CD24: variants seen among roughly 807,000 people sequenced by gnomAD.
CD24 encodes CD24 molecule.
Under a neutral mutation model 3.6 loss-of-function variants are expected in CD24, and 2 were observed. The observed-to-expected ratio is 0.56, with a 90% CI of 0.23 to 1.77. CD24 has a LOEUF of 1.77. Among genes scored for constraint, CD24 ranks in the 40% most tolerant of loss-of-function variants. CD24 has a pLI of 0.18. For synonymous variants in CD24, 33 were observed against 44.9 expected, an observed-to-expected ratio of 0.74 and a Z score of 1.06; for missense variants, 62 against 93.6, an observed-to-expected ratio of 0.66 and a Z score of 1.39.
upstream of CD24, chr6:106,975,607 C>T (rs1421855108): frequency 2.0e-5 from 3 of 152,252 alleles, no homozygotes; most frequent in Admixed American, 2.0e-4. Context: ...GGCGCAGACC[C>T]GCTGCCTGAC....
At position 106,971,529 on chromosome 6, in the gene CD24, G is replaced by T; in HGVS notation, c.*132C>A. ...ATTTGGGATTCTCAACATTTTCTGT[G>T]TCAATAAAAGGTGTGGAATTAGTAG... On this transcript the variant is annotated 3_prime_UTR_variant, in exon 2 of 2. Coordinates refer to ENST00000606017, the MANE Select transcript of CD24 (RefSeq NM_001359084.1). 1.5e-6 allele frequency: 1 copy of T among 659,448 alleles called. No homozygotes were observed. 40.8% of individuals were successfully genotyped at this position (659,448 alleles called of 1,614,324 possible). A position where few individuals can be genotyped will look rare whatever the true frequency, so the allele number is the denominator to read the frequency against.
chr6:106,971,880 T>C (rs1468203500), intron 1 of CD24, 46 bp from the exon 2 acceptor site: 2 of 1,234,626 alleles, frequency 1.6e-6, no homozygotes, highest in African/African-American at 1.5e-5. Context: ...ACATCACAGC[T>C]ACCTCCATGT....
upstream of CD24, among the ~76,000 whole-genome samples, chr6:106,976,404 T>C: frequency 6.6e-6 from 1 of 152,228 alleles, no homozygotes; most frequent in Non-Finnish European, 1.5e-5. Context: ...GTTTGTTGAC[T>C]GAATAGTGAC....
chr6:106,973,437 AC>A (rs1413163271), intron 1 of CD24: 1 of 378,990 alleles, frequency 2.6e-6, no homozygotes, highest in East Asian at 3.8e-5. Context: ...AGCGCAGCGG[AC>A]TGGGAGGAAG....
intron 1 of CD24, 62 bp downstream of exon 1, chr6:106,974,516 C>A: frequency 1.0e-6 from 1 of 975,064 alleles, no homozygotes; most frequent in Non-Finnish European, 1.4e-6. Flanking sequence ...GGGACCGGGT[C>A]CATCTCCCCT....
chr6:106,973,971 CAGAG>C (rs1773038622), intron 1 of CD24: 2 of 398,132 alleles, frequency 5.0e-6, no homozygotes, highest in African/African-American at 4.1e-5. Context: ...GGTTGCCTCG[CAGAG>C]AGCGCAGCGT....
At chr6:106,973,653 G>C (rs1208665151) in intron 1 of CD24, 1 of 398,540 alleles carries the variant, frequency 2.5e-6, no homozygotes, top group African/African-American at 2.1e-5. Flanking sequence ...AACCCGAACT[G>C]ACCCAAACAA....
rs1222278107 is a variant in CD24, at chr6:106,971,430, A to G, written c.*231T>C. ...ATGTTGCCTCTCCTTCATCTTGTAC[A>G]TGAAACTCCAGCAGATTTAATATTG... On this transcript the variant is annotated 3_prime_UTR_variant, in exon 2 of 2. Coordinates refer to ENST00000606017, the MANE Select transcript of CD24 (RefSeq NM_001359084.1). 38 of 503,778 alleles carry G rather than the reference A, an allele frequency of 7.5e-5. 1 individual carries two copies. In the Admixed American group the frequency reaches 1.4e-3, roughly 18 times the overall value. The allele number at this position is 503,778 out of a possible 1,614,324, so 31.2% of individuals were successfully genotyped here.
chr6:106,974,841 G>C (rs1241337258), upstream of CD24: 8 of 361,540 alleles, frequency 2.2e-5, no homozygotes, highest in Non-Finnish European at 3.3e-5. Flanking sequence ...CCGCCTCCCC[G>C]CCTTCCCCGC....
At chr6:106,974,790 G>C (rs1216889176), upstream of CD24, 4 of 773,532 alleles carry the variant, frequency 5.2e-6, no homozygotes, top group African/African-American at 1.9e-5. Flanking sequence ...GCCGTGACGT[G>C]GCGCCGCCCG....
upstream of CD24, chr6:106,975,225 C>T (rs1582559355): frequency 2.0e-5 from 3 of 152,008 alleles, no homozygotes; most frequent in Non-Finnish European, 4.4e-5. Flanking sequence ...AAATGCGCCC[C>T]GGGGACCCGA....
intron 1 of CD24, chr6:106,973,722 C>T: frequency 2.5e-6 from 1 of 398,646 alleles, no homozygotes; most frequent in Non-Finnish European, 4.4e-6. Flanking sequence ...CCCGGTCTCT[C>T]TCGCCGGCGC....
chr6:106,972,859 A>C (rs1368540186), intron 1 of CD24, among the ~76,000 whole-genome samples: 1 of 152,204 alleles, frequency 6.6e-6, no homozygotes, highest in Admixed American at 6.6e-5. Flanking sequence ...GCCCTCCTAC[A>C]TCAGCACCAG....
At chr6:106,972,813 CG>C (rs1773006735) in intron 1 of CD24, among the ~76,000 whole-genome samples, 1 of 152,104 alleles carries the variant, frequency 6.6e-6, no homozygotes, top group African/African-American at 2.4e-5. Flanking sequence ...GTCTGGGCCC[CG>C]TGTACATTTG....
Position 106,974,719 on chromosome 6 carries a change from G to T in CD24, c.-73C>A. 2.8e-6 allele frequency: 4 copies of T among 1,450,430 alleles called. No individual in the cohort carries two copies. The highest frequency in any genetic ancestry group is 3.6e-6 in the Non-Finnish European group (4 of 1,101,888). The allele number at this position is 1,450,430 out of a possible 1,614,324, so 89.8% of individuals were successfully genotyped here. A position where few individuals can be genotyped will look rare whatever the true frequency, so the allele number is the denominator to read the frequency against. ...GGAGAACCGCTGGCTCCGGGCGGGCGCAGGCAAGGTGGGGAGCGCGGCGAG... is the reference window on the plus strand; with the variant it reads ...GGAGAACCGCTGGCTCCGGGCGGGCTCAGGCAAGGTGGGGAGCGCGGCGAG... On this transcript the variant is annotated 5_prime_UTR_variant, in exon 1 of 2. Transcript: ENST00000606017.
rs1772931514 is a variant in CD24, at chr6:106,970,078, G to A, written c.*1583C>T. The A allele has an allele frequency of 6.6e-6, 1 of 152,626 alleles. No homozygotes were observed. The highest frequency in any genetic ancestry group is 2.4e-5 in the African/African-American group (1 of 41,452). The allele number at this position is 152,626 out of a possible 1,614,324, so 9.5% of individuals were successfully genotyped here. A position where few individuals can be genotyped will look rare whatever the true frequency, so the allele number is the denominator to read the frequency against. On this transcript the variant is annotated 3_prime_UTR_variant, in exon 2 of 2. Transcript: ENST00000606017. ...AAGGACTTTGGTCATCAAGACTACT[G>A]TGGCCATATTAGATTACTGGAACAT...
intron 1 of CD24, chr6:106,973,467 C>G: frequency 2.5e-6 from 1 of 395,454 alleles, no homozygotes; most frequent in Non-Finnish European, 4.5e-6. Context: ...GTACGGTTAC[C>G]CCGCCAGCGG....
chr6:106,976,459 C>A (rs947419898), upstream of CD24, among the ~76,000 whole-genome samples: 1 of 152,204 alleles, frequency 6.6e-6, no homozygotes, highest in African/African-American at 2.4e-5. Context: ...AGCTCAGTAA[C>A]TTTCCAAGCA....
chr6:106,973,826 G>A (rs1019967249), intron 1 of CD24: 1 of 398,572 alleles, frequency 2.5e-6, no homozygotes. Flanking sequence ...GGGAGACCGC[G>A]CTGGTAGCGG....
Sources: allele counts gnomAD v4.1 joint callset (sites outside exome capture counted in the v4.1 genomes callset), GRCh38; gene constraint gnomAD v4.1.1; transcripts MANE v1.5; gene names NCBI Gene and HGNC (gene_info 2026-07-23, HGNC 2026-07-21).